The following LARS2 variants were observed in gnomAD, a reference collection of about 807,000 sequenced individuals.
LARS2 encodes the protein leucyl-tRNA synthetase 2, mitochondrial.
Under a neutral mutation model 116.6 loss-of-function variants are expected in LARS2, and 81 were observed. That is an observed-to-expected ratio of 0.69 (90% CI 0.58 to 0.84). LARS2 has a LOEUF of 0.84. Ranked by LOEUF, LARS2 falls within the 40% of genes least tolerant of loss-of-function variation. LARS2 has a pLI of 0.00. For missense variants in LARS2, 968 were observed against 1,114.5 expected, an observed-to-expected ratio of 0.87 and a Z score of 1.87; for synonymous variants, 396 against 407.2, an observed-to-expected ratio of 0.97 and a Z score of 0.33.
At chr3:45,461,101 GTAAA>G (rs1699315839) in intron 8 of LARS2, among the ~76,000 whole-genome samples, 1 of 152,090 alleles carries the variant, frequency 6.6e-6, no homozygotes, top group Non-Finnish European at 1.5e-5. Context: ...GTTGGAATTA[GTAAA>G]TAAAGCCAAA....
At chr3:45,478,511 G>A (rs1699650156) in intron 10 of LARS2, among the ~76,000 whole-genome samples, 1 of 152,196 alleles carries the variant, frequency 6.6e-6, no homozygotes, top group African/African-American at 2.4e-5. Context: ...TGTAGGAAAT[G>A]GAGAAATTTT....
chr3:45,526,267 C>T (rs1700529622), intron 20 of LARS2, among the ~76,000 whole-genome samples: 2 of 152,154 alleles, frequency 1.3e-5, no homozygotes, highest in Non-Finnish European at 2.9e-5. Context: ...TCTAAGGAAC[C>T]TCTCAAATGA....
In LARS2 at chr3:45,530,518, C is replaced by CA. The variant is rs1052291358; in HGVS notation, c.2404+6420dup. Among the ~76,000 whole-genome samples, 553 of 146,720 alleles carry CA rather than the reference C, an allele frequency of 3.8e-3. 8 individuals carry two copies. Among genetic ancestry groups the CA allele is most frequent in the African/African-American group, 0.012 (497 of 40,160 alleles). ...CTGGTGACAGAGCAAGACTCCGTCT[C>CA]AAAAAAAAAACTGCATTAATTGTCC... is the stretch of plus-strand genomic sequence containing the variant. On this transcript the variant is annotated intron_variant, in intron 20 of 21. Transcript: ENST00000645846.
At chr3:45,439,624 G>GTTT (rs11325399) in intron 6 of LARS2, among the ~76,000 whole-genome samples, 3 of 145,346 alleles carry the variant, frequency 2.1e-5, no homozygotes, top group Non-Finnish European at 3.0e-5. Context: ...ATTTCTAACT[G>GTTT]TTTTTTTTTT....
chr3:45,399,343 C>T (rs529357420), intron 3 of LARS2, among the ~76,000 whole-genome samples: 38 of 152,324 alleles, frequency 2.5e-4, no homozygotes, highest in African/African-American at 8.2e-4. Context: ...AGAGATGTTA[C>T]ATCTATGTGA....
intron 15 of LARS2, among the ~76,000 whole-genome samples, chr3:45,502,265 G>C (rs1240443234): frequency 6.6e-6 from 1 of 151,572 alleles, no homozygotes; most frequent in East Asian, 1.9e-4. Context: ...ATTTGTAAGG[G>C]GTTCTTTAAA....
intron 8 of LARS2, among the ~76,000 whole-genome samples, chr3:45,473,416 GCT>G (rs925718719): frequency 6.7e-6 from 1 of 150,304 alleles, no homozygotes; most frequent in African/African-American, 2.5e-5. Flanking sequence ...ACAGAGTCTT[GCT>G]CTGTCACCCA....
chr3:45,486,013 G>GATT lies in LARS2; in HGVS notation c.1123+218_1123+219insTTA, dbSNP rs72324553. On this transcript the variant is annotated intron_variant, in intron 11 of 21. Transcript: ENST00000645846. Reference sequence around the variant, plus strand: ...ATTGTACTTTGCTCGTTGCTACTGAGAATAAGAAGTATCTGACCTACAAAT... The same window carrying GATT: ...ATTGTACTTTGCTCGTTGCTACTGAGATTAATAAGAAGTATCTGACCTACAAAT... Among the ~76,000 whole-genome samples, 41,062 of 90,612 alleles carry GATT rather than the reference G, an allele frequency of 0.45. 5,862 individuals carry two copies. The highest frequency in any genetic ancestry group is 0.59 in the Middle Eastern group (118 of 200). 59.4% of individuals were successfully genotyped at this position (90,612 alleles called of 152,430 possible).
chr3:45,536,196 A>G (rs1180164631), intron 20 of LARS2, among the ~76,000 whole-genome samples: 1 of 152,136 alleles, frequency 6.6e-6, no homozygotes, highest in Non-Finnish European at 1.5e-5. Context: ...ATCACAGCTC[A>G]CTGCAACCTC....
chr3:45,486,752 G>T (rs992161165), intron 11 of LARS2, among the ~76,000 whole-genome samples: 1 of 152,120 alleles, frequency 6.6e-6, no homozygotes, highest in Admixed American at 6.5e-5. Context: ...TTACTTTTAT[G>T]CATTTTACAA....
chr3:45,432,379 C>T (rs1390344530), intron 6 of LARS2, among the ~76,000 whole-genome samples: 1 of 152,046 alleles, frequency 6.6e-6, no homozygotes, highest in Non-Finnish European at 1.5e-5. Context: ...GGGACATTCT[C>T]CAGGATAAAC....
chr3:45,398,359 G>A (rs1212899428), intron 3 of LARS2, among the ~76,000 whole-genome samples: 2 of 152,148 alleles, frequency 1.3e-5, no homozygotes, highest in Non-Finnish European at 2.9e-5. Flanking sequence ...TCAGTCATGC[G>A]AACATTCAGC....
At chr3:45,497,957 A>G (rs1700045524) in intron 14 of LARS2, among the ~76,000 whole-genome samples, 2 of 152,002 alleles carry the variant, frequency 1.3e-5, no homozygotes, top group African/African-American at 4.8e-5. Context: ...AGTGAAAGAC[A>G]CCCTGCAAAG....
intron 3 of LARS2, among the ~76,000 whole-genome samples, chr3:45,398,696 G>C (rs1431558622): frequency 6.6e-6 from 1 of 152,178 alleles, no homozygotes; most frequent in Admixed American, 6.5e-5. Flanking sequence ...TAGGATTTGT[G>C]AAGTTTGCTG....
Position 45,537,863 on chromosome 3 carries a change from G to A in LARS2, c.2405-3966G>A, listed in dbSNP as rs186792502. 2.1e-3 allele frequency among the ~76,000 whole-genome samples: 321 copies of A among 152,276 alleles called. 3 individuals are homozygous for A. The highest frequency in any genetic ancestry group is 7.5e-3 in the African/African-American group (313 of 41,532). On this transcript the variant is annotated intron_variant, in intron 20 of 21. Coordinates refer to ENST00000645846, the MANE Select transcript of LARS2 (RefSeq NM_015340.4). ...TCAGTGGGAAGAGGAGGCTTGTTTCGGTTATTCTGCAGGAAAGTCTGCAAT... is the reference window on the plus strand; with the variant it reads ...TCAGTGGGAAGAGGAGGCTTGTTTCAGTTATTCTGCAGGAAAGTCTGCAAT...
chr3:45,492,510 C>A (rs930151314), intron 13 of LARS2, among the ~76,000 whole-genome samples: 1 of 152,128 alleles, frequency 6.6e-6, no homozygotes, highest in African/African-American at 2.4e-5. Context: ...TTGTATTCTG[C>A]CAGTATAGAG....
chr3:45,393,431 C>T (rs980383136), intron 2 of LARS2, among the ~76,000 whole-genome samples: 3 of 152,080 alleles, frequency 2.0e-5, no homozygotes, highest in Non-Finnish European at 4.4e-5. Flanking sequence ...GAAAATTAGC[C>T]GGGCATGTTG....
At chr3:45,527,905 T>C (rs1700554627) in intron 20 of LARS2, among the ~76,000 whole-genome samples, 1 of 152,204 alleles carries the variant, frequency 6.6e-6, no homozygotes, top group East Asian at 1.9e-4. Flanking sequence ...GCACAACTGG[T>C]GAATTTCTTA....
At chr3:45,404,067 A>C (rs968173610) in intron 4 of LARS2, among the ~76,000 whole-genome samples, 1 of 152,198 alleles carries the variant, frequency 6.6e-6, no homozygotes, top group Non-Finnish European at 1.5e-5. Flanking sequence ...ATTCGTCACC[A>C]TTTAATAAAT....
Sources: gnomAD v4.1 joint callset for allele counts (sites outside exome capture counted in the v4.1 genomes callset) on GRCh38, gnomAD v4.1.1 for gene constraint, MANE v1.5 for transcripts, NCBI Gene and HGNC (gene_info 2026-07-23, HGNC 2026-07-21) for gene names.